The following KANSL1L variants were observed in gnomAD, a reference collection of about 807,000 sequenced individuals.
The protein encoded by KANSL1L is KAT8 regulatory NSL complex subunit 1-like protein.
A neutral mutation model predicts 108.6 loss-of-function variants in KANSL1L; 25 were observed. The ratio of observed to expected loss-of-function variants is 0.23; its 90% CI spans 0.17 to 0.32. The LOEUF (loss-of-function observed/expected upper bound fraction) is 0.32. Among genes scored for constraint, KANSL1L ranks in the 10% least tolerant of loss-of-function variants. The pLI is 1.00. For synonymous variants in KANSL1L, 405 were observed against 395.1 expected (o/e 1.03, Z -0.30); for missense variants, 1,137 against 1,125.7 (o/e 1.01, Z -0.14).
At chr2:210,060,394 T>G (rs2094407061) in intron 6 of KANSL1L, among the ~76,000 whole-genome samples, 1 of 152,230 alleles carries the variant, frequency 6.6e-6, no homozygotes, top group Admixed American at 6.5e-5. Flanking sequence ...AAGGTTATAA[T>G]ATTCATTATT....
At chr2:210,143,837 C>T (rs1313594384) in intron 2 of KANSL1L, among the ~76,000 whole-genome samples, 1 of 152,096 alleles carries the variant, frequency 6.6e-6, no homozygotes, top group Non-Finnish European at 1.5e-5. Flanking sequence ...ATTTTAATAG[C>T]TTTGTCTTTT....
At chr2:210,120,201 G>A (rs748298723) in intron 3 of KANSL1L, among the ~76,000 whole-genome samples, 2 of 152,002 alleles carry the variant, frequency 1.3e-5, no homozygotes, top group Admixed American at 1.3e-4. Context: ...ACCAGCCTGG[G>A]CAACACAGTG....
At chr2:210,146,338 C>T (rs12151736) in intron 2 of KANSL1L, among the ~76,000 whole-genome samples, 30,419 of 152,010 alleles carry the variant, frequency 0.2, 3,189 homozygotes, top group South Asian at 0.25. Context: ...GTTTTTTGTT[C>T]GGGAGTGAAG....
At chr2:210,064,611 A>T (rs1480044407) in intron 6 of KANSL1L, among the ~76,000 whole-genome samples, 1 of 151,986 alleles carries the variant, frequency 6.6e-6, no homozygotes. Context: ...CCAGGAGTTC[A>T]AGACAAGCCT....
At chr2:210,087,067 C>T (rs530647948) in intron 5 of KANSL1L, among the ~76,000 whole-genome samples, 2 of 150,040 alleles carry the variant, frequency 1.3e-5, no homozygotes, top group East Asian at 3.9e-4. Context: ...CTTGCTCTGT[C>T]ACCTAGGCTG....
At chr2:210,041,262 A>C (rs1464694140) in intron 7 of KANSL1L, among the ~76,000 whole-genome samples, 1 of 152,156 alleles carries the variant, frequency 6.6e-6, no homozygotes, top group South Asian at 2.1e-4. Flanking sequence ...AGAATGAAAA[A>C]ACAAAATCAT....
chr2:210,055,172 C>A (rs1395797453), intron 6 of KANSL1L, among the ~76,000 whole-genome samples: 3 of 152,138 alleles, frequency 2.0e-5, no homozygotes, highest in Non-Finnish European at 4.4e-5. Flanking sequence ...GGCTTTTTCC[C>A]CTTTGCTTGG....
chr2:210,124,096 C>T (rs1286533165), intron 3 of KANSL1L, among the ~76,000 whole-genome samples: 1 of 152,052 alleles, frequency 6.6e-6, no homozygotes, highest in Non-Finnish European at 1.5e-5. Flanking sequence ...AGGGACACAA[C>T]AACTAGATGG....
chr2:210,126,036 G>A (rs1026196663), intron 3 of KANSL1L, among the ~76,000 whole-genome samples: 1 of 152,148 alleles, frequency 6.6e-6, no homozygotes, highest in African/African-American at 2.4e-5. Context: ...GAAGTTAAAT[G>A]ATTTGTTTTA....
chr2:210,077,253 T>TAC (rs1190832247), intron 5 of KANSL1L, among the ~76,000 whole-genome samples: 2 of 152,146 alleles, frequency 1.3e-5, no homozygotes, highest in African/African-American at 4.8e-5. Context: ...TGATGACAAC[T>TAC]ACCTCACTTT....
chr2:210,085,509 T>A (rs1274199548), intron 5 of KANSL1L, among the ~76,000 whole-genome samples: 1 of 152,148 alleles, frequency 6.6e-6, no homozygotes, highest in East Asian at 1.9e-4. Flanking sequence ...AGACATAAAG[T>A]TTGTCAAATA....
At chr2:210,155,495 T>G (rs367550418) in intron 1 of KANSL1L, among the ~76,000 whole-genome samples, 7 of 152,182 alleles carry the variant, frequency 4.6e-5, no homozygotes, top group African/African-American at 1.7e-4. Flanking sequence ...TAGTAAAAAC[T>G]TGCCTAATGC....
chr2:210,027,451 C>G (rs929327360), intron 11 of KANSL1L, 101 bp from the exon 12 acceptor site: 1 of 729,962 alleles, frequency 1.4e-6, no homozygotes, highest in Non-Finnish European at 2.4e-6. Context: ...CTTGGCACTT[C>G]CATGGTTCAA....
At chr2:210,104,400 C>G (rs908629505) in intron 3 of KANSL1L, 99 bp from the exon 4 acceptor site, 3 of 804,274 alleles carry the variant, frequency 3.7e-6, no homozygotes, top group Non-Finnish European at 5.9e-6. Context: ...CCACTTATCT[C>G]TTGGAATTCA....
At chr2:210,083,614 G>T (rs1370802959) in intron 5 of KANSL1L, among the ~76,000 whole-genome samples, 1 of 152,012 alleles carries the variant, frequency 6.6e-6, no homozygotes, top group Non-Finnish European at 1.5e-5. Context: ...GGATCACGAG[G>T]TTAGGAGATC....
intron 2 of KANSL1L, among the ~76,000 whole-genome samples, chr2:210,141,224 T>A (rs1309685203): frequency 1.3e-4 from 19 of 151,988 alleles, no homozygotes; most frequent in Non-Finnish European, 1.5e-5. Flanking sequence ...TTCCTTTTTC[T>A]CTTTTATTTA....
At chr2:210,067,777 G>A (rs796173697) in intron 6 of KANSL1L, among the ~76,000 whole-genome samples, 16 of 148,866 alleles carry the variant, frequency 1.1e-4, no homozygotes, top group African/African-American at 3.8e-4. Context: ...TCCTTGATAA[G>A]CAATGATTTT....
At chr2:210,095,078 A>G (rs984168537) in intron 5 of KANSL1L, among the ~76,000 whole-genome samples, 32 of 152,076 alleles carry the variant, frequency 2.1e-4, no homozygotes, top group Non-Finnish European at 2.5e-4. Flanking sequence ...GCATCCACAC[A>G]TATCTTAATC....
chr2:210,112,786 A>AC (rs2094921158), intron 3 of KANSL1L, among the ~76,000 whole-genome samples: 1 of 152,172 alleles, frequency 6.6e-6, no homozygotes, highest in African/African-American at 2.4e-5. Flanking sequence ...GGAATCTGTC[A>AC]CCCCACCTAG....
Sources: allele counts gnomAD v4.1 joint callset (sites outside exome capture counted in the v4.1 genomes callset), GRCh38; gene constraint gnomAD v4.1.1; transcripts MANE v1.5; gene names NCBI Gene and HGNC (gene_info 2026-07-23, HGNC 2026-07-21).